Variants in CIB4 observed in about 807,000 individuals in gnomAD.
The protein encoded by CIB4 is calcium and integrin-binding family member 4.
In CIB4, 25 loss-of-function variants were observed where a neutral mutation model predicts 25.8. The observed-to-expected ratio is 0.97, with a 90% CI of 0.71 to 1.35. The LOEUF (loss-of-function observed/expected upper bound fraction) is 1.35. Among genes scored for constraint, CIB4 ranks in the 40% most tolerant of loss-of-function variants. The pLI is 0.00. For missense variants in CIB4, 235 were observed against 228.2 expected, an observed-to-expected ratio of 1.03 and a Z score of -0.19; for synonymous variants, 75 against 81.4, an observed-to-expected ratio of 0.92 and a Z score of 0.42.
At chr2:26,581,782 G>A (rs1395494225) in intron 6 of CIB4, among the ~76,000 whole-genome samples, 1 of 152,230 alleles carries the variant, frequency 6.6e-6, no homozygotes, top group Non-Finnish European at 1.5e-5. Flanking sequence ...CCAGGCCACA[G>A]GCCCTAGCAG....
intron 4 of CIB4, among the ~76,000 whole-genome samples, chr2:26,594,733 CT>C (rs1396321820): frequency 4.6e-5 from 7 of 152,118 alleles, no homozygotes; most frequent in Admixed American, 2.0e-4. Flanking sequence ...GTCAAAGTGC[CT>C]CAGAGATTAT....
intron 3 of CIB4, among the ~76,000 whole-genome samples, chr2:26,614,341 G>A (rs1471499882): frequency 6.6e-6 from 1 of 152,162 alleles, no homozygotes; most frequent in Non-Finnish European, 1.5e-5. Context: ...GACTGGATGA[G>A]CATGTCCCCA....
intron 3 of CIB4, among the ~76,000 whole-genome samples, chr2:26,599,959 G>A (rs537541115): frequency 6.9e-6 from 1 of 145,712 alleles, no homozygotes; most frequent in African/African-American, 2.7e-5. Flanking sequence ...TGTAGTCCCA[G>A]CTACTCAGGA....
At position 26,596,572 on chromosome 2, in the gene CIB4, C is replaced by G. The variant is rs1001463264; in HGVS notation, c.187-1255G>C. The stretch of plus-strand genomic sequence containing the variant: ...CAGCCTGGCCAAAATGGTGAAACCC[C>G]GTCTCTACTAACAATACAAAAAAAA... On this transcript the variant is annotated intron_variant, in intron 3 of 6. Coordinates refer to ENST00000288861, the MANE Select transcript of CIB4 (RefSeq NM_001029881.3). Among the ~76,000 whole-genome samples, 12 of 151,964 alleles carry G rather than the reference C, an allele frequency of 7.9e-5. 1 individual carries two copies.
chr2:26,597,612 T>A (rs1423546017), intron 3 of CIB4, among the ~76,000 whole-genome samples: 3 of 152,174 alleles, frequency 2.0e-5, no homozygotes, highest in African/African-American at 7.2e-5. Flanking sequence ...AAGGGAAAAT[T>A]GTTTGTTAAA....
chr2:26,614,777 C>T (rs554003041), intron 3 of CIB4, among the ~76,000 whole-genome samples: 1 of 152,230 alleles, frequency 6.6e-6, no homozygotes, highest in Non-Finnish European at 1.5e-5. Flanking sequence ...TTACATGACC[C>T]TGCAAAGGGG....
intron 3 of CIB4, among the ~76,000 whole-genome samples, chr2:26,596,266 G>A (rs1021084350): frequency 2.6e-5 from 4 of 152,158 alleles, no homozygotes; most frequent in Admixed American, 6.5e-5. Context: ...GGTACTCATC[G>A]AGGGGGGTGG....
intron 4 of CIB4, among the ~76,000 whole-genome samples, chr2:26,590,640 G>T (rs1323476704): frequency 6.6e-6 from 1 of 152,082 alleles, no homozygotes; most frequent in African/African-American, 2.4e-5. Flanking sequence ...TTACTACGCA[G>T]GCTCAGGATC....
rs199690949 is a variant in CIB4 at position 26,583,796 on chromosome 2, G to C, written c.431C>G (p.Thr144Arg). 1.2e-6 allele frequency: 2 copies of C among 1,600,464 alleles called. No individual in the cohort carries two copies. Among genetic ancestry groups the C allele is most frequent in the African/African-American group, 1.3e-5 (1 of 74,642 alleles). The change falls in exon 5 of 7, where the codon ACG (threonine) becomes AGG (arginine). Residue 144 changes from threonine to arginine, a missense_variant. Physicochemically the swap from Thr to Arg is moderately conservative, Grantham distance 71. Coordinates refer to ENST00000288861, the MANE Select transcript of CIB4 (RefSeq NM_001029881.3). ...DMSEDLLMDL[T>R]NHVLSESDLD... is the part of the protein sequence containing the mutation. ...CCAGCCCCCAGCACACACGTGGTTCGTGAGGTCCATCAGGAGGTCCTCAGA... is the reference window on the plus strand; with the variant it reads ...CCAGCCCCCAGCACACACGTGGTTCCTGAGGTCCATCAGGAGGTCCTCAGA...
intron 3 of CIB4, among the ~76,000 whole-genome samples, chr2:26,601,577 A>G (rs1277205818): frequency 6.6e-6 from 1 of 152,164 alleles, no homozygotes; most frequent in African/African-American, 2.4e-5. Context: ...TTAGGTAACT[A>G]TCACAGGAGG....
intron 3 of CIB4, among the ~76,000 whole-genome samples, chr2:26,595,550 G>T (rs1381091955): frequency 1.3e-5 from 2 of 152,234 alleles, no homozygotes; most frequent in Admixed American, 6.5e-5. Flanking sequence ...CTGCAAGGAT[G>T]CCACAATTGA....
chr2:26,599,916 T>A (rs372966629), intron 3 of CIB4, among the ~76,000 whole-genome samples: 10,329 of 134,748 alleles, frequency 0.077, 628 homozygotes, highest in Middle Eastern at 0.13. Flanking sequence ...CTACTAAAAA[T>A]ACAAAAATTA....
At chr2:26,612,827 G>T (rs968678735) in intron 3 of CIB4, among the ~76,000 whole-genome samples, 1 of 152,204 alleles carries the variant, frequency 6.6e-6, no homozygotes, top group Non-Finnish European at 1.5e-5. Flanking sequence ...TATGGGACAA[G>T]GGGGAGGTTC....
chr2:26,596,746 T>TAA (rs11286952), intron 3 of CIB4, among the ~76,000 whole-genome samples: 2 of 143,332 alleles, frequency 1.4e-5, no homozygotes, highest in African/African-American at 5.2e-5. Context: ...AAACTGCATC[T>TAA]AAAAAAAAAA....
At chr2:26,600,865 G>A (rs1402092782) in intron 3 of CIB4, among the ~76,000 whole-genome samples, 2 of 152,098 alleles carry the variant, frequency 1.3e-5, no homozygotes, top group Non-Finnish European at 2.9e-5. Context: ...AGTTTACGTG[G>A]AAATGCAGGG....
intron 3 of CIB4, among the ~76,000 whole-genome samples, chr2:26,612,730 C>T (rs985069947): frequency 2.6e-5 from 4 of 152,176 alleles, no homozygotes; most frequent in African/African-American, 9.7e-5. Flanking sequence ...AGGAAGCTGT[C>T]CTCAATCCAC....
intron 4 of CIB4, among the ~76,000 whole-genome samples, chr2:26,587,302 C>T (rs1397377088): frequency 2.3e-3 from 2 of 880 alleles, no homozygotes; most frequent in Non-Finnish European, 0.012. Context: ...AAGACTCCGT[C>T]TCAAAAAAAA....
chr2:26,593,408 A>G (rs535326743), intron 4 of CIB4, among the ~76,000 whole-genome samples: 149 of 152,140 alleles, frequency 9.8e-4, no homozygotes, highest in African/African-American at 3.5e-3. Flanking sequence ...ATACACACAC[A>G]TATATACACA....
At chr2:26,617,662 G>A (rs939799517) in intron 3 of CIB4, among the ~76,000 whole-genome samples, 2 of 152,178 alleles carry the variant, frequency 1.3e-5, no homozygotes, top group Admixed American at 1.3e-4. Flanking sequence ...TGAGGGAGGG[G>A]CTCAGGGCAG....
Sources: gnomAD v4.1 joint callset for allele counts (sites outside exome capture counted in the v4.1 genomes callset) on GRCh38, gnomAD v4.1.1 for gene constraint, MANE v1.5 for transcripts, NCBI Gene and HGNC (gene_info 2026-07-23, HGNC 2026-07-21) for gene names.